KCNQ5: variants seen among roughly 807,000 people sequenced by gnomAD.
KCNQ5 encodes potassium voltage-gated channel subfamily KQT member 5.
A neutral mutation model predicts 98.2 loss-of-function variants in KCNQ5; 30 were observed. The ratio of observed to expected loss-of-function variants is 0.31; its 90% CI spans 0.23 to 0.41. KCNQ5 has a LOEUF of 0.41. Ranked by LOEUF, KCNQ5 falls within the 10% of genes least tolerant of loss-of-function variation. The pLI, the probability that KCNQ5 is intolerant of heterozygous loss-of-function variation, is 1.00. For synonymous variants in KCNQ5, 458 were observed against 449.4 expected, an observed-to-expected ratio of 1.02 and a Z score of -0.24; for missense variants, 835 against 1,182.5, an observed-to-expected ratio of 0.71 and a Z score of 4.31.
In KCNQ5 at chr6:73,079,383, A is replaced by G. The variant is rs191473191; in HGVS notation, c.918+1496A>G. 2.6e-5 allele frequency among the ~76,000 whole-genome samples: 4 copies of G among 152,346 alleles called. No homozygotes were observed. The East Asian group carries it at 7.7e-4, about 29-fold the overall frequency. ...ATTTTCTTAAGCTGTGATTTAAACA[A>G]TGATAGGCTTTTTATTTGTTTGTTT... is the stretch of plus-strand genomic sequence containing the variant. On this transcript the variant is annotated intron_variant, in intron 5 of 13. Transcript: ENST00000370398.
intron 1 of KCNQ5, among the ~76,000 whole-genome samples, chr6:72,623,941 C>A (rs2098916824): frequency 6.6e-6 from 1 of 152,108 alleles, no homozygotes; most frequent in South Asian, 2.1e-4. Context: ...ACTAGGTGAA[C>A]CTGGAATTCA....
intron 1 of KCNQ5, among the ~76,000 whole-genome samples, chr6:72,832,850 G>A (rs1038482381): frequency 1.3e-5 from 2 of 152,106 alleles, no homozygotes; most frequent in East Asian, 3.9e-4. Context: ...GGAAAACGAG[G>A]AAAGGGCTCC....
intron 11 of KCNQ5, among the ~76,000 whole-genome samples, chr6:73,180,287 C>T (rs1445502626): frequency 1.3e-5 from 2 of 152,166 alleles, no homozygotes. Context: ...CTCAGCACAA[C>T]GTCATAGGTA....
intron 1 of KCNQ5, among the ~76,000 whole-genome samples, chr6:72,701,708 A>T (rs1768816469): frequency 6.6e-6 from 1 of 151,618 alleles, no homozygotes; most frequent in African/African-American, 2.4e-5. Context: ...AAGCCTGGCT[A>T]ATTTATTTTT....
At chr6:73,077,927 G>A (rs1773600047) in intron 5 of KCNQ5, 40 bp downstream of exon 5, 1 of 1,521,838 alleles carries the variant, frequency 6.6e-7, no homozygotes, top group South Asian at 1.3e-5. Flanking sequence ...TGGATGTTGT[G>A]AATTGTTTTT....
At chr6:73,059,611 T>A (rs1772688404) in intron 3 of KCNQ5, among the ~76,000 whole-genome samples, 1 of 152,144 alleles carries the variant, frequency 6.6e-6, no homozygotes, top group South Asian at 2.1e-4. Flanking sequence ...ATGCCTAGAA[T>A]GTTTCATAGC....
intron 8 of KCNQ5, among the ~76,000 whole-genome samples, chr6:73,122,880 A>G (rs1775800044): frequency 6.6e-6 from 1 of 152,220 alleles, no homozygotes; most frequent in Non-Finnish European, 1.5e-5. Context: ...AAGTGACAAT[A>G]ATTTTCAGTG....
chr6:73,106,098 A>G (rs1774987321), intron 6 of KCNQ5, among the ~76,000 whole-genome samples: 1 of 151,994 alleles, frequency 6.6e-6, no homozygotes. Flanking sequence ...GTGGGAGCAG[A>G]AGTGCTTAAG....
At chr6:72,629,069 C>A (rs2098919444) in intron 1 of KCNQ5, among the ~76,000 whole-genome samples, 1 of 152,194 alleles carries the variant, frequency 6.6e-6, no homozygotes, top group Non-Finnish European at 1.5e-5. Flanking sequence ...CACTGCCTGT[C>A]ACATAAAAGA....
At chr6:72,801,453 GC>G (rs1385031835) in intron 1 of KCNQ5, among the ~76,000 whole-genome samples, 1 of 135,384 alleles carries the variant, frequency 7.4e-6, no homozygotes, top group Non-Finnish European at 1.6e-5. Context: ...TGCAACCCCT[GC>G]CTTTTTTTGT....
chr6:72,684,886 CTG>C (rs1232785294), intron 1 of KCNQ5, among the ~76,000 whole-genome samples: 1 of 151,706 alleles, frequency 6.6e-6, no homozygotes, highest in Non-Finnish European at 1.5e-5. Flanking sequence ...GCGTGTGTGT[CTG>C]TCTGTGTATT....
At chr6:72,628,121 G>C (rs2098918922) in intron 1 of KCNQ5, among the ~76,000 whole-genome samples, 1 of 152,084 alleles carries the variant, frequency 6.6e-6, no homozygotes. Context: ...GTGTCTAGTA[G>C]ACCCTCCATA....
In KCNQ5 at chr6:72,852,640, A is replaced by AATAAATAAATATATATATATATAT. The variant is rs1026407821; in HGVS notation, c.399-151265_399-151264insAATAAATATATATATATATATATA. On this transcript the variant is annotated intron_variant, in intron 1 of 13. Coordinates refer to ENST00000370398, the MANE Select transcript of KCNQ5 (RefSeq NM_019842.4). Reference sequence around the variant, plus strand: ...AGTGGAGAGAAGGAGATGAAGGGGAAATATATATATATATATATATAAATG... The same window carrying AATAAATAAATATATATATATATAT: ...AGTGGAGAGAAGGAGATGAAGGGGAAATAAATAAATATATATATATATATATATATATATATATATATATAAATG... 1.1e-3 allele frequency among the ~76,000 whole-genome samples: 64 copies of AATAAATAAATATATATATATATAT among 56,798 alleles called. 1 individual carries two copies. The highest frequency in any genetic ancestry group is 1.6e-3 in the Non-Finnish European group (48 of 30,194). The allele number at this position is 56,798 out of a possible 152,430, so 37.3% of individuals were successfully genotyped here.
chr6:72,705,503 T>C (rs1286473298), intron 1 of KCNQ5, among the ~76,000 whole-genome samples: 1 of 152,144 alleles, frequency 6.6e-6, no homozygotes, highest in African/African-American at 2.4e-5. Flanking sequence ...CAGATTGACA[T>C]GTTGAAGCAT....
intron 1 of KCNQ5, among the ~76,000 whole-genome samples, chr6:72,663,565 A>G (rs1766635679): frequency 1.3e-5 from 2 of 152,242 alleles, no homozygotes; most frequent in South Asian, 2.1e-4. Context: ...GATTTTGGTT[A>G]TAAGTATAAA....
At chr6:72,893,118 G>A (rs1279750605) in intron 1 of KCNQ5, among the ~76,000 whole-genome samples, 1 of 152,162 alleles carries the variant, frequency 6.6e-6, no homozygotes, top group Non-Finnish European at 1.5e-5. Context: ...CATGCTGCCA[G>A]CAGAAGAGTA....
At chr6:73,156,228 G>A (rs1777357460) in intron 10 of KCNQ5, among the ~76,000 whole-genome samples, 1 of 152,222 alleles carries the variant, frequency 6.6e-6, no homozygotes, top group Admixed American at 6.5e-5. Flanking sequence ...ATTCATTACG[G>A]GATGTAATAA....
chr6:72,710,089 A>G (rs1480996727), intron 1 of KCNQ5, among the ~76,000 whole-genome samples: 1 of 152,172 alleles, frequency 6.6e-6, no homozygotes, highest in African/African-American at 2.4e-5. Context: ...TGAGATAGGA[A>G]AAGGCCTGGT....
Position 73,193,398 on chromosome 6 carries a change from C to T in KCNQ5, c.1836+707C>T, listed in dbSNP as rs191316034. ...GTCCTAACACTTTTGGAGGCCGAGG[C>T]GGGCAGATCACAAGGTCAGGAGTTC... is the stretch of plus-strand genomic sequence containing the variant. On this transcript the variant is annotated intron_variant, in intron 13 of 13. Transcript: ENST00000370398. 2.3e-3 allele frequency among the ~76,000 whole-genome samples: 334 copies of T among 147,946 alleles called. 2 individuals are homozygous for T. The highest frequency in any genetic ancestry group is 8.1e-3 in the African/African-American group (321 of 39,856).
Sources: allele counts gnomAD v4.1 joint callset (sites outside exome capture counted in the v4.1 genomes callset), GRCh38; gene constraint gnomAD v4.1.1; transcripts MANE v1.5; gene names NCBI Gene and HGNC (gene_info 2026-07-23, HGNC 2026-07-21).